RASGRF2: variants seen among roughly 807,000 people sequenced by gnomAD.
RASGRF2 encodes the protein ras-specific guanine nucleotide-releasing factor 2.
Under a neutral mutation model 151.0 loss-of-function variants are expected in RASGRF2, and 76 were observed. The observed-to-expected ratio is 0.50, with a 90% CI of 0.42 to 0.61. The LOEUF is 0.61. Ranked by LOEUF, RASGRF2 falls within the 20% of genes least tolerant of loss-of-function variation. RASGRF2 has a pLI of 0.00. For missense variants in RASGRF2, 1,148 were observed against 1,564.6 expected (o/e 0.73, Z 4.49); for synonymous variants, 504 against 566.5 (o/e 0.89, Z 1.57).
chr5:81,037,711 G>A (rs72769266), intron 1 of RASGRF2, among the ~76,000 whole-genome samples: 17,315 of 152,186 alleles, frequency 0.11, 1,248 homozygotes, highest in Non-Finnish European at 0.16. Context: ...AAAGGTGCAC[G>A]TAGGTGAAGT....
intron 5 of RASGRF2, among the ~76,000 whole-genome samples, chr5:81,077,262 G>C (rs959833209): frequency 1.3e-5 from 2 of 152,194 alleles, no homozygotes; most frequent in African/African-American, 4.8e-5. Flanking sequence ...ACAATGACAA[G>C]GTCTAGAGTA....
At chr5:80,998,811 G>C (rs533336310) in intron 1 of RASGRF2, among the ~76,000 whole-genome samples, 1 of 152,218 alleles carries the variant, frequency 6.6e-6, no homozygotes, top group Non-Finnish European at 1.5e-5. Flanking sequence ...CCCAGTAGGC[G>C]AAGAGCAGGA....
At chr5:81,066,849 G>C (rs980423812) in intron 2 of RASGRF2, among the ~76,000 whole-genome samples, 11 of 152,178 alleles carry the variant, frequency 7.2e-5, no homozygotes, top group African/African-American at 2.4e-4. Flanking sequence ...GTTTAATGTG[G>C]TCATGAGGGC....
At chr5:80,973,646 G>A (rs1561533302) in intron 1 of RASGRF2, among the ~76,000 whole-genome samples, 1 of 152,310 alleles carries the variant, frequency 6.6e-6, no homozygotes, top group East Asian at 1.9e-4. Context: ...GGCAGCAATG[G>A]TCAGGACGGT....
At chr5:81,212,325 G>C in intron 22 of RASGRF2, 41 bp from the exon 23 acceptor site, 2 of 1,503,918 alleles carry the variant, frequency 1.3e-6, no homozygotes, top group Non-Finnish European at 1.8e-6. Context: ...GCACTGCTTG[G>C]GGCTCTTAGA....
At chr5:81,206,950 A>G (rs1365087331) in intron 20 of RASGRF2, 45 bp downstream of exon 20, 4 of 1,452,204 alleles carry the variant, frequency 2.8e-6, no homozygotes, top group African/African-American at 2.8e-5. Flanking sequence ...TGTGCAAACT[A>G]CCTCTCCAAG....
chr5:81,047,637 A>G (rs1448965968), intron 2 of RASGRF2, among the ~76,000 whole-genome samples: 1 of 152,256 alleles, frequency 6.6e-6, no homozygotes, highest in Non-Finnish European at 1.5e-5. Context: ...TTTCCACTCC[A>G]TAAAGCTCAC....
intron 5 of RASGRF2, among the ~76,000 whole-genome samples, chr5:81,076,806 G>A (rs1751952507): frequency 1.3e-5 from 2 of 152,240 alleles, no homozygotes; most frequent in Admixed American, 6.5e-5. Flanking sequence ...CAGGAATGTT[G>A]TATTAATGCT....
At chr5:81,103,832 TGA>T (rs1180047847) in intron 12 of RASGRF2, among the ~76,000 whole-genome samples, 1 of 152,180 alleles carries the variant, frequency 6.6e-6, no homozygotes, top group Non-Finnish European at 1.5e-5. Flanking sequence ...TATACATATA[TGA>T]GATTGACTAA....
chr5:81,089,462 T>C (rs553925252), intron 9 of RASGRF2, among the ~76,000 whole-genome samples: 2 of 152,332 alleles, frequency 1.3e-5, no homozygotes, highest in African/African-American at 4.8e-5. Flanking sequence ...AATAAAGGCA[T>C]CAGCAACTCT....
rs115333793 is a variant in RASGRF2 at position 80,967,834 on chromosome 5, T to A, written c.288+6808T>A. Among the ~76,000 whole-genome samples the A allele has an allele frequency of 7.6e-3, 1,154 of 152,318 alleles. 12 individuals carry two copies. The highest frequency in any genetic ancestry group is 0.026 in the African/African-American group (1,095 of 41,564). On this transcript the variant is annotated intron_variant, in intron 1 of 26. Transcript: ENST00000265080. ...CAAAAGAAGTCATGACGAGATAATG[T>A]CAGTGATTCATAGGAATAGGAGGCC...
At chr5:81,213,019 A>G (rs1228015485) in intron 23 of RASGRF2, among the ~76,000 whole-genome samples, 2 of 152,142 alleles carry the variant, frequency 1.3e-5, no homozygotes, top group East Asian at 1.9e-4. Flanking sequence ...CAGAAATACA[A>G]TTTTCATTTT....
chr5:81,177,762 C>T (rs544250531), intron 17 of RASGRF2, among the ~76,000 whole-genome samples: 2 of 152,042 alleles, frequency 1.3e-5, no homozygotes, highest in Admixed American at 6.6e-5. Flanking sequence ...CTGGAAAGCG[C>T]TCATTTGGAG....
intron 2 of RASGRF2, among the ~76,000 whole-genome samples, chr5:81,052,023 C>T (rs541388268): frequency 3.3e-5 from 5 of 152,142 alleles, no homozygotes; most frequent in Non-Finnish European, 7.4e-5. Context: ...TATACGTTCT[C>T]ATATATAAAC....
rs1753042636 is a variant in RASGRF2, at chr5:81,112,975, C to A, written c.2087+117C>A. ...GCAGCTCCTAGGGTGTACTAGCTTG[C>A]CTCTGAATGTACCATGCCCCTCCAG... On this transcript the variant is annotated intron_variant, in intron 14 of 26. Coordinates refer to ENST00000265080, the MANE Select transcript of RASGRF2 (RefSeq NM_006909.3). 8 of 1,318,544 alleles carry A rather than the reference C, an allele frequency of 6.1e-6. No individual in the cohort carries two copies. In the East Asian group the frequency reaches 1.7e-4, roughly 29 times the overall value. 81.7% of individuals were successfully genotyped at this position (1,318,544 alleles called of 1,614,324 possible).
At chr5:81,086,810 T>G (rs1281008823) in intron 8 of RASGRF2, 25 bp from the exon 9 acceptor site, 1 of 1,563,958 alleles carries the variant, frequency 6.4e-7, no homozygotes. Context: ...TCTCTTACTG[T>G]GATCCTGTCT....
chr5:81,179,750 G>A (rs1298782460), intron 17 of RASGRF2, among the ~76,000 whole-genome samples: 1 of 152,192 alleles, frequency 6.6e-6, no homozygotes, highest in Non-Finnish European at 1.5e-5. Context: ...TCATCCATAA[G>A]CCAAGATATG....
intron 1 of RASGRF2, among the ~76,000 whole-genome samples, chr5:81,024,283 G>T (rs71636255): frequency 2.2e-5 from 2 of 90,194 alleles, no homozygotes; most frequent in Non-Finnish European, 2.1e-5. Flanking sequence ...TTTTGAGACA[G>T]AAGTTTGCTT....
At chr5:81,026,939 G>A (rs946062012) in intron 1 of RASGRF2, among the ~76,000 whole-genome samples, 5 of 152,184 alleles carry the variant, frequency 3.3e-5, no homozygotes, top group African/African-American at 1.2e-4. Context: ...TTCGTGAATA[G>A]ATAAGAATGA....
Sources: allele counts gnomAD v4.1 joint callset (sites outside exome capture counted in the v4.1 genomes callset), GRCh38; gene constraint gnomAD v4.1.1; transcripts MANE v1.5; gene names NCBI Gene and HGNC (gene_info 2026-07-23, HGNC 2026-07-21).